TACR3: variants seen among roughly 807,000 people sequenced by gnomAD.
The protein encoded by TACR3 is neuromedin-K receptor.
In TACR3, 34 loss-of-function variants were observed where a neutral mutation model predicts 35.0. The observed-to-expected ratio is 0.97, with a 90% CI of 0.74 to 1.30. The LOEUF (loss-of-function observed/expected upper bound fraction) is 1.30. Among genes scored for constraint, TACR3 ranks in the 50% most tolerant of loss-of-function variants. TACR3 has a pLI of 0.00. For missense variants in TACR3, 558 were observed against 591.7 expected, an observed-to-expected ratio of 0.94 and a Z score of 0.59; for synonymous variants, 233 against 221.1, an observed-to-expected ratio of 1.05 and a Z score of -0.48.
At chr4:103,637,390 C>A (rs192996946) in intron 3 of TACR3, among the ~76,000 whole-genome samples, 2 of 151,996 alleles carry the variant, frequency 1.3e-5, no homozygotes, top group African/African-American at 2.4e-5. Context: ...ATTCAGCAAC[C>A]CTTCATGCTA....
chr4:103,603,991 A>G (rs1487099971), intron 3 of TACR3, among the ~76,000 whole-genome samples: 3 of 152,248 alleles, frequency 2.0e-5, no homozygotes, highest in East Asian at 1.9e-4. Flanking sequence ...ATTCAATGCT[A>G]TCCCCATCAA....
At chr4:103,697,574 G>A (rs918194717) in intron 1 of TACR3, among the ~76,000 whole-genome samples, 12 of 151,846 alleles carry the variant, frequency 7.9e-5, no homozygotes, top group South Asian at 4.2e-4. Context: ...ACAGGCGCCC[G>A]CCACCACGCC....
Position 103,587,692 on chromosome 4 carries a change from A to T in TACR3, c.*1990T>A, listed in dbSNP as rs1220924952. 1 of 152,130 alleles carries T rather than the reference A, an allele frequency of 6.6e-6. No individual in the cohort carries two copies. The highest frequency in any genetic ancestry group is 1.5e-5 in the Non-Finnish European group (1 of 68,000). The allele number at this position is 152,130 out of a possible 1,614,324, so 9.4% of individuals were successfully genotyped here. On this transcript the variant is annotated 3_prime_UTR_variant, in exon 5 of 5. Coordinates refer to ENST00000304883, the MANE Select transcript of TACR3 (RefSeq NM_001059.3). ...CATTAATTAATGCTAGTACCATATC[A>T]TTCATAAATTTAAGAAAATAATAAC...
intron 1 of TACR3, among the ~76,000 whole-genome samples, chr4:103,701,848 T>A (rs1163227369): frequency 1.3e-5 from 2 of 152,186 alleles, no homozygotes; most frequent in African/African-American, 4.8e-5. Flanking sequence ...GCTAGCCATA[T>A]GTAGAAAGCT....
At chr4:103,702,188 TCAAA>T (rs1426830711) in intron 1 of TACR3, among the ~76,000 whole-genome samples, 3 of 151,908 alleles carry the variant, frequency 2.0e-5, no homozygotes, top group Non-Finnish European at 4.4e-5. Flanking sequence ...TACAATGAAC[TCAAA>T]CAAATTTACA....
intron 1 of TACR3, among the ~76,000 whole-genome samples, chr4:103,714,194 G>A (rs1245994418): frequency 6.6e-6 from 1 of 151,690 alleles, no homozygotes; most frequent in Non-Finnish European, 1.5e-5. Context: ...GGATTTTTAT[G>A]CCTGTTAAAT....
intron 3 of TACR3, among the ~76,000 whole-genome samples, chr4:103,643,924 GA>G (rs1250801755): frequency 2.6e-5 from 4 of 151,604 alleles, no homozygotes; most frequent in African/African-American, 9.7e-5. Flanking sequence ...TTTTTCAGAT[GA>G]TTGCCAAACA....
In TACR3 at chr4:103,656,976, A is replaced by C. The variant is rs79905222; in HGVS notation, c.738-632T>G. Among the ~76,000 whole-genome samples the C allele has an allele frequency of 6.8e-3, 828 of 122,386 alleles. 6 individuals carry two copies. Among genetic ancestry groups the C allele is most frequent in the African/African-American group, 0.03 (770 of 25,278 alleles). 80.3% of individuals were successfully genotyped at this position (122,386 alleles called of 152,430 possible). ...CAAAACAAAACAAAACAAAACAAAAAAACATGTCGACATAGTAGTCAAACG... is the reference window on the plus strand; with the variant it reads ...CAAAACAAAACAAAACAAAACAAAACAACATGTCGACATAGTAGTCAAACG... On this transcript the variant is annotated intron_variant, in intron 2 of 4. Transcript: ENST00000304883.
chr4:103,599,718 G>C (rs144447804), intron 3 of TACR3, among the ~76,000 whole-genome samples: 1,603 of 152,248 alleles, frequency 0.011, 24 homozygotes, highest in African/African-American at 0.037. Context: ...ATAGTCATGT[G>C]CTTTTTGTCA....
At chr4:103,594,339 G>A (rs982515696) in intron 3 of TACR3, among the ~76,000 whole-genome samples, 1 of 151,926 alleles carries the variant, frequency 6.6e-6, no homozygotes, top group African/African-American at 2.4e-5. Flanking sequence ...CACCACGCCT[G>A]GCTAATTTTT....
At chr4:103,603,296 C>G (rs1030041551) in intron 3 of TACR3, among the ~76,000 whole-genome samples, 1 of 152,230 alleles carries the variant, frequency 6.6e-6, no homozygotes, top group Non-Finnish European at 1.5e-5. Flanking sequence ...CTGCCTGTCA[C>G]TGCTTTCTTT....
intron 3 of TACR3, among the ~76,000 whole-genome samples, chr4:103,602,807 G>A (rs961206348): frequency 2.6e-5 from 4 of 152,188 alleles, no homozygotes; most frequent in South Asian, 2.1e-4. Flanking sequence ...CTACTGGAGG[G>A]TGCCTCCCAT....
At chr4:103,692,773 A>C (rs555579136) in intron 1 of TACR3, among the ~76,000 whole-genome samples, 2 of 152,308 alleles carry the variant, frequency 1.3e-5, no homozygotes, top group South Asian at 4.1e-4. Context: ...CCAGTGACTC[A>C]CAGGAATGAA....
chr4:103,634,426 A>G (rs1725135418), intron 3 of TACR3, among the ~76,000 whole-genome samples: 1 of 152,082 alleles, frequency 6.6e-6, no homozygotes, highest in Admixed American at 6.6e-5. Context: ...TGTGCTCATG[A>G]TACCCAGTAG....
chr4:103,659,368 C>T (rs911972016), intron 1 of TACR3, among the ~76,000 whole-genome samples: 1 of 152,130 alleles, frequency 6.6e-6, no homozygotes, highest in Admixed American at 6.6e-5. Context: ...TTTCACAGCT[C>T]AAAACCTTCA....
intron 1 of TACR3, among the ~76,000 whole-genome samples, chr4:103,679,396 G>A (rs1314533456): frequency 6.6e-6 from 1 of 151,970 alleles, no homozygotes; most frequent in Non-Finnish European, 1.5e-5. Context: ...TTGTTAGGTG[G>A]TGAAAGTATT....
chr4:103,694,690 TGTG>T (rs1350949187), intron 1 of TACR3, among the ~76,000 whole-genome samples: 9 of 152,190 alleles, frequency 5.9e-5, no homozygotes, highest in Non-Finnish European at 1.3e-4. Flanking sequence ...AAGAAGTTCA[TGTG>T]TAATGAACTT....
intron 3 of TACR3, among the ~76,000 whole-genome samples, chr4:103,631,431 GT>G (rs1470010818): frequency 6.6e-6 from 1 of 151,884 alleles, no homozygotes; most frequent in Non-Finnish European, 1.5e-5. Flanking sequence ...AGCTTCCTAT[GT>G]ATTATTTTAC....
intron 1 of TACR3, among the ~76,000 whole-genome samples, chr4:103,699,177 G>A (rs900141410): frequency 3.3e-5 from 5 of 152,262 alleles, no homozygotes; most frequent in African/African-American, 1.2e-4. Flanking sequence ...TATTTTAGGA[G>A]GTGATACATG....
Sources: allele counts gnomAD v4.1 joint callset (sites outside exome capture counted in the v4.1 genomes callset), GRCh38; gene constraint gnomAD v4.1.1; transcripts MANE v1.5; gene names NCBI Gene and HGNC (gene_info 2026-07-23, HGNC 2026-07-21).